COPG1: variants seen among roughly 807,000 people sequenced by gnomAD.
The protein encoded by COPG1 is coat protein complex I subunit gamma 1, also known as coatomer subunit gamma-1.
In COPG1, 29 loss-of-function variants were observed where a neutral mutation model predicts 102.8. The ratio of observed to expected loss-of-function variants is 0.28; its 90% CI spans 0.21 to 0.38. The LOEUF (loss-of-function observed/expected upper bound fraction) is 0.38, where lower values mean the gene tolerates loss of function less well. COPG1 is among the 10% of genes least tolerant of loss of function. The pLI, the probability that COPG1 is intolerant of heterozygous loss-of-function variation, is 1.00. For missense variants in COPG1, 875 were observed against 1,132.7 expected, an observed-to-expected ratio of 0.77 and a Z score of 3.27; for synonymous variants, 406 against 421.6, an observed-to-expected ratio of 0.96 and a Z score of 0.45.
At chr3:129,254,618 G>T (rs1560062505) in intron 5 of COPG1, 50 bp from the exon 6 acceptor site, 9 of 1,468,536 alleles carry the variant, frequency 6.1e-6, no homozygotes, top group Non-Finnish European at 6.7e-6. Flanking sequence ...CTGGAGAGGA[G>T]TAAACAGGCC....
rs182807356 is a variant in COPG1 at position 129,264,093 on chromosome 3, T to C, written c.1224+94T>C. On this transcript the variant is annotated intron_variant, in intron 13 of 23. Transcript: ENST00000314797. ...ATGCTCAGCTTTGTGCGTGTGCTTA[T>C]GTTAGCCTGTTAACCAACTGGTTTT... The C allele has an allele frequency of 5.5e-5, 57 of 1,027,040 alleles. No homozygotes were observed. In the Admixed American group the frequency reaches 9.2e-4, roughly 17 times the overall value. 63.6% of individuals were successfully genotyped at this position (1,027,040 alleles called of 1,614,324 possible).
In COPG1 at chr3:129,260,678, C is replaced by A; in HGVS notation, c.999C>A (p.Val333=). 6.2e-7 allele frequency: 1 copy of A among 1,614,114 alleles called. No homozygotes were observed. Among genetic ancestry groups the A allele is most frequent in the South Asian group, 1.1e-5 (1 of 91,070 alleles). ...GTAATCTGGATCTGGAGAACCTGGTCACAGATTCAAACCGCAGCATTGCCA... is the reference window on the plus strand; with the variant it reads ...GTAATCTGGATCTGGAGAACCTGGTAACAGATTCAAACCGCAGCATTGCCA... ...TACNLDLENL[V]TDSNRSIATL... The change falls in exon 12 of 24, where the codon GTC becomes GTA. Residue 333 remains valine, a synonymous_variant. Transcript: ENST00000314797.
chr3:129,268,761 C>T (rs1940121099), intron 17 of COPG1, 141 bp downstream of exon 17: 5 of 1,187,842 alleles, frequency 4.2e-6, no homozygotes, highest in South Asian at 1.4e-5. Context: ...CCTCTGGCTC[C>T]AGAAAATAGA....
At chr3:129,268,150 T>G in intron 16 of COPG1, 110 bp downstream of exon 16, 1 of 933,872 alleles carries the variant, frequency 1.1e-6, no homozygotes, top group South Asian at 1.5e-5. Flanking sequence ...TGGACTTGCC[T>G]GGCAACCTCA....
intron 12 of COPG1, among the ~76,000 whole-genome samples, chr3:129,261,230 A>G (rs906392788): frequency 1.3e-5 from 2 of 152,212 alleles, no homozygotes; most frequent in African/African-American, 4.8e-5. Context: ...CATCTCAGGC[A>G]TGGGTACTGC....
At chr3:129,255,170 T>A in intron 7 of COPG1, 93 bp downstream of exon 7, 2 of 792,836 alleles carry the variant, frequency 2.5e-6, no homozygotes, top group Non-Finnish European at 4.1e-6. Flanking sequence ...AGAAAGTGTT[T>A]CTTTCTTTCT....
At chr3:129,252,755 C>T (rs908744116) in intron 4 of COPG1, 61 bp downstream of exon 4, 16 of 1,557,420 alleles carry the variant, frequency 1.0e-5, no homozygotes, top group Non-Finnish European at 1.4e-5. Flanking sequence ...GGTGGGAGGG[C>T]CAAAGAGAGC....
chr3:129,254,987 C>A lies in COPG1; in HGVS notation c.402C>A (p.Ser134Arg). The change falls in exon 7 of 24, where the codon AGC becomes AGA. Residue 134 changes from serine to arginine, a missense_variant and splice_region_variant. Coordinates refer to ENST00000314797, the MANE Select transcript of COPG1 (RefSeq NM_016128.4). ...AVRALCQITD[S>R]TMLQAIERYM... ...CACCCTGCTCCTTTTGCCCACAGAG[C>A]ACCATGCTGCAGGCTATTGAGCGCT... 6.2e-7 allele frequency: 1 copy of A among 1,613,754 alleles called. No homozygotes were observed. The highest frequency in any genetic ancestry group is 8.5e-7 in the Non-Finnish European group (1 of 1,179,660).
chr3:129,274,143 T>C (rs918235302), intron 21 of COPG1: 1 of 454,708 alleles, frequency 2.2e-6, no homozygotes, highest in Non-Finnish European at 4.4e-6. Flanking sequence ...CCAAGTGAGC[T>C]CCTTGAGAGA....
At position 129,264,008 on chromosome 3, in the gene COPG1, CA is replaced by C. The variant is rs113733608; in HGVS notation, c.1224+10del. 3,067 of 1,612,278 alleles carry C rather than the reference CA, an allele frequency of 1.9e-3. 54 individuals carry two copies. In the African/African-American group the frequency reaches 0.036, roughly 19 times the overall value. The stretch of plus-strand genomic sequence containing the variant: ...CCATGCTGCGGGAAGAGGTAAGAGT[CA>C]GGGGCATTCGGGGGATGCCAGGTCT... On this transcript the variant is annotated intron_variant, in intron 13 of 23. Coordinates refer to ENST00000314797, the MANE Select transcript of COPG1 (RefSeq NM_016128.4).
At chr3:129,266,949 T>G (rs959912422) in intron 14 of COPG1, 75 bp from the exon 15 acceptor site, 1 of 1,328,878 alleles carries the variant, frequency 7.5e-7, no homozygotes, top group Non-Finnish European at 1.1e-6. Context: ...GAAGACCCAT[T>G]CTGAGTGCTG....
At chr3:129,267,134 T>G in intron 15 of COPG1, 35 bp downstream of exon 15, 1 of 1,547,948 alleles carries the variant, frequency 6.5e-7, no homozygotes, top group Non-Finnish European at 8.9e-7. Context: ...ATGGGGACAG[T>G]GTTCCCTTGG....
At chr3:129,250,912 C>CTTTTTTTT (rs10706690) in intron 2 of COPG1, 178 bp downstream of exon 2, 4 of 202,500 alleles carry the variant, frequency 2.0e-5, no homozygotes, top group South Asian at 3.2e-5. Context: ...ATGCTTACTT[C>CTTTTTTTT]TTTTTTTTTT....
chr3:129,265,554 C>CT lies in COPG1; in HGVS notation c.1233dup (p.Glu412Ter). On this transcript the variant is annotated frameshift_variant, in exon 14 of 24. Coordinates refer to ENST00000314797, the MANE Select transcript of COPG1 (RefSeq NM_016128.4). LOFTEE classifies it high-confidence loss of function. ...AGCTCAGCTTCTCTCTGCAGGGTGGCTTTGAGTATAAGCGCGCTATCGTGG... is the reference window on the plus strand; with the variant it reads ...AGCTCAGCTTCTCTCTGCAGGGTGGCTTTTGAGTATAAGCGCGCTATCGTGG... 1 of 1,614,100 alleles carries CT rather than the reference C, an allele frequency of 6.2e-7. No individual in the cohort carries two copies. The highest frequency in any genetic ancestry group is 8.5e-7 in the Non-Finnish European group (1 of 1,179,970).
At chr3:129,266,944 C>A in intron 14 of COPG1, 80 bp from the exon 15 acceptor site, 2 of 1,234,018 alleles carry the variant, frequency 1.6e-6, no homozygotes, top group Non-Finnish European at 2.4e-6. Context: ...TGCCTGAAGA[C>A]CCATTCTGAG....
In COPG1 at chr3:129,255,074, C is replaced by T; in HGVS notation, c.489C>T (p.Ser163=). The change falls in exon 7 of 24, where the codon TCC becomes TCT. Residue 163 remains serine, a synonymous_variant. Transcript: ENST00000314797. Reference sequence around the variant, plus strand: ...TCTCCAGCTCTGCCCTCGTGTCTTCCTTGGTGTGTAGTTGCTGCTGGAGCC... The same window carrying T: ...TCTCCAGCTCTGCCCTCGTGTCTTCTTTGGTGTGTAGTTGCTGCTGGAGCC... ...PSVSSSALVS[S]LHLLKCSFDV... is the part of the protein sequence containing the mutation. 1 of 1,612,554 alleles carries T rather than the reference C, an allele frequency of 6.2e-7. No individual in the cohort carries two copies. The highest frequency in any genetic ancestry group is 2.2e-5 in the East Asian group (1 of 44,882).
At chr3:129,255,199 G>A in intron 7 of COPG1, 122 bp downstream of exon 7, 1 of 664,116 alleles carries the variant, frequency 1.5e-6, no homozygotes. Context: ...TTTTGATTGA[G>A]ACGGAGTCTC....
At chr3:129,261,262 G>T (rs1389953120) in intron 12 of COPG1, among the ~76,000 whole-genome samples, 1 of 152,146 alleles carries the variant, frequency 6.6e-6, no homozygotes, top group Non-Finnish European at 1.5e-5. Flanking sequence ...TAGAAATACA[G>T]CAGGGATGAT....
intron 5 of COPG1, chr3:129,253,221 T>C (rs748779759): frequency 4.9e-6 from 2 of 404,136 alleles, no homozygotes; most frequent in Non-Finnish European, 9.1e-6. Context: ...CCAAAGACTT[T>C]CTTGAGTATA....
Sources: allele counts gnomAD v4.1 joint callset (sites outside exome capture counted in the v4.1 genomes callset), GRCh38; gene constraint gnomAD v4.1.1; transcripts MANE v1.5; gene names NCBI Gene and HGNC (gene_info 2026-07-23, HGNC 2026-07-21).